ATP5F1A: variants seen among roughly 807,000 people sequenced by gnomAD.
The protein encoded by ATP5F1A is ATP synthase F(1) complex subunit alpha, mitochondrial.
Under a neutral mutation model 57.4 loss-of-function variants are expected in ATP5F1A, and 24 were observed. The observed-to-expected ratio is 0.42, with a 90% confidence interval of 0.30 to 0.59. ATP5F1A has a LOEUF of 0.59. ATP5F1A is among the 20% of genes least tolerant of loss of function. The pLI, the probability that ATP5F1A is intolerant of heterozygous loss-of-function variation, is 0.19. For synonymous variants in ATP5F1A, 251 were observed against 255.5 expected (o/e 0.98, Z 0.17); for missense variants, 494 against 707.9 (o/e 0.70, Z 3.43).
At chr18:46,097,868 C>T in intron 1 of ATP5F1A, 1 of 1,193,026 alleles carries the variant, frequency 8.4e-7, no homozygotes, top group Non-Finnish European at 1.0e-6. Context: ...AGCTAGCGCC[C>T]AAGCCCTGAC....
chr18:46,090,047 C>T, intron 3 of ATP5F1A, 51 bp from the exon 4 acceptor site: 2 of 1,258,352 alleles, frequency 1.6e-6, no homozygotes, highest in Non-Finnish European at 2.2e-6. Context: ...GGCACTCCTC[C>T]CCATACACCA....
At position 46,089,877 on chromosome 18, in the gene ATP5F1A, A is replaced by T. The variant is rs1178034836; in HGVS notation, c.429T>A (p.Gly143=). 6.2e-7 allele frequency: 1 copy of T among 1,613,846 alleles called. No individual in the cohort carries two copies. The highest frequency in any genetic ancestry group is 8.5e-7 in the Non-Finnish European group (1 of 1,179,926). ...RTGAIVDVPV[G]EELLGRVVDA... is the part of the protein sequence containing the mutation. ...CAACTACACGACCCAACAGCTCCTC[A>T]CCAACTGGAACGTCCACAATGGCTC... The change falls in exon 4 of 12, where the codon GGT becomes GGA. Residue 143 remains glycine (G), a synonymous_variant. Coordinates refer to ENST00000398752, the MANE Select transcript of ATP5F1A (RefSeq NM_004046.6).
At chr18:46,097,006 A>C (rs2578185) in intron 1 of ATP5F1A, among the ~76,000 whole-genome samples, 2 of 141,526 alleles carry the variant, frequency 1.4e-5, no homozygotes, top group African/African-American at 2.6e-5. Context: ...AAAAAAAAAA[A>C]CAAGCAAACA....
chr18:46,091,545 TATG>T (rs1157899232), intron 3 of ATP5F1A, 134 bp downstream of exon 3: 2 of 947,868 alleles, frequency 2.1e-6, no homozygotes, highest in Admixed American at 3.4e-5. Flanking sequence ...CTTTACAATC[TATG>T]ATAATAACAA....
upstream of ATP5F1A, among the ~76,000 whole-genome samples, chr18:46,100,730 CGATCCT>C (rs1301941345): frequency 6.6e-6 from 1 of 152,182 alleles, no homozygotes; most frequent in Admixed American, 6.6e-5. Flanking sequence ...CTAGGTAAAA[CGATCCT>C]TAGAGTCACT....
intron 1 of ATP5F1A, among the ~76,000 whole-genome samples, chr18:46,097,592 C>T (rs539278820): frequency 9.2e-5 from 14 of 152,280 alleles, no homozygotes; most frequent in Admixed American, 9.2e-4. Context: ...TGGTTCTTTG[C>T]ACCTGCAGGA....
rs1414605468 is a variant in ATP5F1A at position 46,086,391 on chromosome 18, T to C, written c.1280A>G (p.Lys427Arg). 6.2e-7 allele frequency: 1 copy of C among 1,614,012 alleles called. No individual in the cohort carries two copies. Among genetic ancestry groups the C allele is most frequent in the Non-Finnish European group, 8.5e-7 (1 of 1,180,026 alleles). The change falls in exon 9 of 12, where the codon AAG (lysine) becomes AGG (arginine). Residue 427 changes from lysine (K) to arginine (R), a missense_variant. Transcript: ENST00000398752. ...VGSAAQTRAM[K>R]QVAGTMKLEL... ...GCCAAAGTGATGCAAAATTACCTGCTTCATAGCCCTGGTTTGGGCAGCGGA... is the reference window on the plus strand; with the variant it reads ...GCCAAAGTGATGCAAAATTACCTGCCTCATAGCCCTGGTTTGGGCAGCGGA...
At chr18:46,092,634 T>TATAC (rs1910650317) in intron 2 of ATP5F1A, among the ~76,000 whole-genome samples, 1 of 148,320 alleles carries the variant, frequency 6.7e-6, no homozygotes, top group Non-Finnish European at 1.5e-5. Flanking sequence ...TATATATATA[T>TATAC]ATTCTACACT....
chr18:46,087,089 A>G lies in ATP5F1A; in HGVS notation c.1095T>C (p.Thr365=). 1 of 1,614,100 alleles carries G rather than the reference A, an allele frequency of 6.2e-7. No homozygotes were observed. Among genetic ancestry groups the G allele is most frequent in the Non-Finnish European group, 8.5e-7 (1 of 1,179,950 alleles). Reference sequence around the variant, plus strand: ...CCTGTGTTTCTATGACTGGCAAAGCAGTCAAGGAGCCACCACCAAAAGCAT... The same window carrying G: ...CCTGTGTTTCTATGACTGGCAAAGCGGTCAAGGAGCCACCACCAAAAGCAT... The part of the protein sequence containing the change: ...MNDAFGGGSL[T]ALPVIETQAG... The change falls in exon 8 of 12, where the codon ACT becomes ACC. Residue 365 remains threonine (T), a synonymous_variant. Transcript: ENST00000398752.
At position 46,086,155 on chromosome 18, in the gene ATP5F1A, G is replaced by A; in HGVS notation, c.1387C>T (p.Arg463Cys). The change falls in exon 10 of 12, where the codon CGT becomes TGT. Residue 463 changes from arginine to cysteine, a missense_variant. Around this residue, in one of 6 missense-constraint regions of ATP5F1A, gnomAD observed 127 missense variants for 195.2 expected, o/e 0.65. Transcript: ENST00000398752. ...LDAATQQLLSRGVRLTELLKQ... is the reference protein window; with the variant it reads ...LDAATQQLLSCGVRLTELLKQ... Reference sequence around the variant, plus strand: ...AGCAACTCAGTTAGACGCACGCCACGACTCAAAAGTTGTTGAGTGGCAGCA... The same window carrying A: ...AGCAACTCAGTTAGACGCACGCCACAACTCAAAAGTTGTTGAGTGGCAGCA... The A allele has an allele frequency of 2.5e-6, 4 of 1,612,156 alleles. No individual in the cohort carries two copies. The highest frequency in any genetic ancestry group is 1.7e-6 in the Non-Finnish European group (2 of 1,180,026).
Position 46,084,229 on chromosome 18 carries a change from T to A in ATP5F1A, c.*53A>T, listed in dbSNP as rs1909921181. ...TAACCCTTTTACAAATGGAACTAAT[T>A]TACTAGAACAATGACAAAACTGAAC... On this transcript the variant is annotated 3_prime_UTR_variant, in exon 12 of 12. Coordinates refer to ENST00000398752, the MANE Select transcript of ATP5F1A (RefSeq NM_004046.6). 2 of 1,491,316 alleles carry A rather than the reference T, an allele frequency of 1.3e-6. No homozygotes were observed. The highest frequency in any genetic ancestry group is 2.4e-5 in the South Asian group (2 of 84,048). 92.4% of individuals were successfully genotyped at this position (1,491,316 alleles called of 1,614,324 possible). A position where few individuals can be genotyped will look rare whatever the true frequency, so the allele number is the denominator to read the frequency against.
upstream of ATP5F1A, among the ~76,000 whole-genome samples, chr18:46,098,702 T>C (rs1271582171): frequency 6.6e-6 from 1 of 152,122 alleles, no homozygotes; most frequent in African/African-American, 2.4e-5. Flanking sequence ...GTAGCAACAG[T>C]GAACAGCTAA....
At chr18:46,096,003 C>T (rs925334069) in intron 1 of ATP5F1A, among the ~76,000 whole-genome samples, 1 of 151,904 alleles carries the variant, frequency 6.6e-6, no homozygotes, top group Admixed American at 6.6e-5. Context: ...ATTCTCATGC[C>T]TCGGCCTCCT....
intron 1 of ATP5F1A, among the ~76,000 whole-genome samples, chr18:46,096,717 C>T (rs1910985293): frequency 6.6e-6 from 1 of 151,278 alleles, no homozygotes; most frequent in Admixed American, 6.6e-5. Flanking sequence ...CACGACGGCT[C>T]ATGCTTGTAA....
At chr18:46,084,862 T>C (rs1157306770) in intron 10 of ATP5F1A, 1 of 492,606 alleles carries the variant, frequency 2.0e-6, no homozygotes, top group Non-Finnish European at 3.5e-6. Context: ...TTTTCAAGGC[T>C]TGAGGCATAA....
rs1909903022 is a variant in ATP5F1A at position 46,083,969 on chromosome 18, A to C, written c.*313T>G. 5.7e-6 allele frequency: 1 copy of C among 175,898 alleles called. No homozygotes were observed. The highest frequency in any genetic ancestry group is 1.1e-5 in the Non-Finnish European group (1 of 90,408). The allele number at this position is 175,898 out of a possible 1,614,324, so 10.9% of individuals were successfully genotyped here. A position where few individuals can be genotyped will look rare whatever the true frequency, so the allele number is the denominator to read the frequency against. ...CACTGCACTCCAGCCTCAGTGACAG[A>C]GTGAGAATCAGTCTCAAAAAAAAAA... On this transcript the variant is annotated 3_prime_UTR_variant, in exon 12 of 12. Coordinates refer to ENST00000398752, the MANE Select transcript of ATP5F1A (RefSeq NM_004046.6).
chr18:46,096,922 G>A (rs1911000457), intron 1 of ATP5F1A, among the ~76,000 whole-genome samples: 1 of 145,970 alleles, frequency 6.9e-6, no homozygotes, highest in Admixed American at 7.1e-5. Flanking sequence ...GGCGGTGGTT[G>A]CAGTGGGCGG....
rs1055887609 is a variant in ATP5F1A at position 46,087,504 on chromosome 18, T to C, written c.800-12A>G. Reference sequence around the variant, plus strand: ...GTACTTCATGGCATCTGAGAAAATATATTTTACAATTTTATCAATATTGTG... The same window carrying C: ...GTACTTCATGGCATCTGAGAAAATACATTTTACAATTTTATCAATATTGTG... On this transcript the variant is annotated splice_polypyrimidine_tract_variant and intron_variant, in intron 6 of 11. Transcript: ENST00000398752. 6.8e-6 allele frequency: 11 copies of C among 1,608,018 alleles called. No individual in the cohort carries two copies. Among genetic ancestry groups the C allele is most frequent in the Non-Finnish European group, 9.3e-6 (11 of 1,178,504 alleles).
intron 10 of ATP5F1A, 107 bp from the exon 11 acceptor site, chr18:46,084,761 T>C (rs564184761): frequency 1.7e-6 from 2 of 1,178,080 alleles, no homozygotes; most frequent in East Asian, 5.4e-5. Flanking sequence ...CATGTCCCTG[T>C]AAATTATCTA....
Sources: gnomAD v4.1 joint callset for allele counts (sites outside exome capture counted in the v4.1 genomes callset) on GRCh38, gnomAD v4.1.1 for gene constraint, gnomAD v4.1.1 regional missense constraint, MANE v1.5 for transcripts, NCBI Gene and HGNC (gene_info 2026-07-23, HGNC 2026-07-21) for gene names.